The following ADAMTS12 variants were observed in gnomAD, a reference collection of about 807,000 sequenced individuals.
ADAMTS12 encodes the protein A disintegrin and metalloproteinase with thrombospondin motifs 12.
ADAMTS12 carries 118 observed loss-of-function variants against 167.8 expected under a neutral mutation model. That is an observed-to-expected ratio of 0.70 (90% CI 0.61 to 0.82). The LOEUF (loss-of-function observed/expected upper bound fraction) is 0.82, where lower values mean the gene tolerates loss of function less well. Ranked by LOEUF, ADAMTS12 falls within the 40% of genes least tolerant of loss-of-function variation. ADAMTS12 has a pLI of 0.00. For synonymous variants in ADAMTS12, 704 were observed against 716.9 expected, an observed-to-expected ratio of 0.98 and a Z score of 0.29; for missense variants, 1,916 against 1,998.8, an observed-to-expected ratio of 0.96 and a Z score of 0.79.
intron 23 of ADAMTS12, among the ~76,000 whole-genome samples, chr5:33,531,638 G>A (rs768508878): frequency 6.6e-6 from 1 of 152,176 alleles, no homozygotes; most frequent in Non-Finnish European, 1.5e-5. Context: ...GGCAGGAGAA[G>A]ATCACATGAA....
rs1338180981 is a variant in ADAMTS12, at chr5:33,583,388, G to A, written c.2865+5211C>T. Among the ~76,000 whole-genome samples, 6 of 152,148 alleles carry A rather than the reference G, an allele frequency of 3.9e-5. No individual in the cohort carries two copies. The East Asian group carries it at 7.7e-4, about 20-fold the overall frequency. ...TGCACCACATTTTCTTTATCTAGTC[G>A]TCTGTTGAGGGACACTTGGGTTGCT... is the stretch of plus-strand genomic sequence containing the variant. On this transcript the variant is annotated intron_variant, in intron 18 of 23. Transcript: ENST00000504830.
At chr5:33,796,838 CATTTGA>C (rs1374832933) in intron 2 of ADAMTS12, among the ~76,000 whole-genome samples, 1 of 152,186 alleles carries the variant, frequency 6.6e-6, no homozygotes, top group Non-Finnish European at 1.5e-5. Context: ...CCCTCATCAT[CATTTGA>C]TTAAAAAACA....
intron 2 of ADAMTS12, among the ~76,000 whole-genome samples, chr5:33,807,238 T>TA (rs1747271638): frequency 1.3e-5 from 2 of 152,268 alleles, no homozygotes; most frequent in South Asian, 2.1e-4. Context: ...ATTTTACAGA[T>TA]AAAAAAACTA....
Position 33,883,929 on chromosome 5 carries a change from C to T in ADAMTS12, c.128-2449G>A, listed in dbSNP as rs189069427. The stretch of plus-strand genomic sequence containing the variant: ...AGAGAGAAACTGTGGGTGGGTGAGG[C>T]GGATGCAGTCAGCTTCCATAGTATT... On this transcript the variant is annotated intron_variant, in intron 1 of 23. Coordinates refer to ENST00000504830, the MANE Select transcript of ADAMTS12 (RefSeq NM_030955.4). Among the ~76,000 whole-genome samples, 15 of 152,252 alleles carry T rather than the reference C, an allele frequency of 9.9e-5. No individual in the cohort carries two copies. In the East Asian group the frequency reaches 2.9e-3, roughly 29 times the overall value.
intron 2 of ADAMTS12, among the ~76,000 whole-genome samples, chr5:33,835,907 A>ATC (rs60393220): frequency 0.011 from 1,259 of 110,974 alleles, 15 homozygotes; most frequent in African/African-American, 0.034. Context: ...GATAATATCC[A>ATC]TCTCTCTCTC....
At chr5:33,697,281 C>G (rs560631916) in intron 3 of ADAMTS12, among the ~76,000 whole-genome samples, 1 of 152,228 alleles carries the variant, frequency 6.6e-6, no homozygotes, top group South Asian at 2.1e-4. Flanking sequence ...CAAAAACCAT[C>G]CATAAGAAAC....
At chr5:33,573,700 T>A (rs1307126) in intron 19 of ADAMTS12, among the ~76,000 whole-genome samples, 7 of 152,082 alleles carry the variant, frequency 4.6e-5, no homozygotes, top group African/African-American at 1.7e-4. Context: ...GGACTTCATG[T>A]CTAAAATACC....
intron 3 of ADAMTS12, among the ~76,000 whole-genome samples, chr5:33,748,681 T>C (rs1744874911): frequency 6.6e-6 from 1 of 152,176 alleles, no homozygotes; most frequent in African/African-American, 2.4e-5. Flanking sequence ...AGCAAAATGC[T>C]CCATATATGG....
intron 2 of ADAMTS12, among the ~76,000 whole-genome samples, chr5:33,775,606 A>G (rs1246174367): frequency 1.3e-5 from 2 of 152,168 alleles, no homozygotes; most frequent in Non-Finnish European, 2.9e-5. Flanking sequence ...TAAAGAAAAT[A>G]CTTTTATAAG....
intron 13 of ADAMTS12, 76 bp downstream of exon 13, chr5:33,630,704 C>A: frequency 2.0e-6 from 3 of 1,511,512 alleles, no homozygotes; most frequent in Non-Finnish European, 1.8e-6. Flanking sequence ...AAGCACAAAC[C>A]TAGAACATCT....
intron 2 of ADAMTS12, among the ~76,000 whole-genome samples, chr5:33,807,278 T>C (rs1222785043): frequency 6.6e-6 from 1 of 152,222 alleles, no homozygotes; most frequent in South Asian, 2.1e-4. Flanking sequence ...GACTCAGCCA[T>C]GGACACTTCA....
intron 3 of ADAMTS12, among the ~76,000 whole-genome samples, chr5:33,743,855 C>T (rs755685604): frequency 3.2e-4 from 49 of 152,138 alleles, no homozygotes; most frequent in Non-Finnish European, 6.2e-4. Context: ...CAAGTCACAA[C>T]CCTTGCCACA....
Position 33,789,988 on chromosome 5 carries a change from C to T in ADAMTS12, c.490-38440G>A, listed in dbSNP as rs374295048. On this transcript the variant is annotated intron_variant, in intron 2 of 23. Transcript: ENST00000504830. ...ACTACACTATGAATCCTTAAAATTA[C>T]GGACCTTTTCAAACATAACCACAAT... 2.5e-4 allele frequency among the ~76,000 whole-genome samples: 38 copies of T among 152,254 alleles called. No individual in the cohort carries two copies. The South Asian group carries it at 7.3e-3, about 29-fold the overall frequency.
chr5:33,709,968 C>G (rs553394417), intron 3 of ADAMTS12, among the ~76,000 whole-genome samples: 20 of 151,868 alleles, frequency 1.3e-4, no homozygotes, highest in Admixed American at 2.6e-4. Flanking sequence ...CCACGCAAAC[C>G]AAGTGTACGA....
intron 5 of ADAMTS12, among the ~76,000 whole-genome samples, chr5:33,679,336 T>C (rs1389478132): frequency 6.6e-6 from 1 of 152,190 alleles, no homozygotes; most frequent in Non-Finnish European, 1.5e-5. Context: ...GGGTAATTTA[T>C]AAGGGAAAGA....
At chr5:33,856,769 C>A (rs935785121) in intron 2 of ADAMTS12, among the ~76,000 whole-genome samples, 1 of 152,054 alleles carries the variant, frequency 6.6e-6, no homozygotes, top group South Asian at 2.1e-4. Flanking sequence ...GGCCATGATG[C>A]GAAGAAAAGA....
At chr5:33,677,539 G>GCCCC (rs1741961848) in intron 5 of ADAMTS12, among the ~76,000 whole-genome samples, 1 of 152,180 alleles carries the variant, frequency 6.6e-6, no homozygotes, top group Admixed American at 6.5e-5. Flanking sequence ...ACCCAAGAGG[G>GCCCC]GAGCAGGGGG....
chr5:33,573,269 CA>C (rs1211925966), intron 19 of ADAMTS12, among the ~76,000 whole-genome samples: 1 of 152,024 alleles, frequency 6.6e-6, no homozygotes, highest in Admixed American at 6.6e-5. Flanking sequence ...CATATGGAAC[CA>C]AAAAAGAGCC....
At chr5:33,591,038 G>T (rs1054936723) in intron 17 of ADAMTS12, among the ~76,000 whole-genome samples, 7 of 150,798 alleles carry the variant, frequency 4.6e-5, no homozygotes, top group African/African-American at 1.7e-4. Flanking sequence ...CTAAAATACT[G>T]TTTTTATATT....
Sources: gnomAD v4.1 joint callset for allele counts (sites outside exome capture counted in the v4.1 genomes callset) on GRCh38, gnomAD v4.1.1 for gene constraint, MANE v1.5 for transcripts, NCBI Gene and HGNC (gene_info 2026-07-23, HGNC 2026-07-21) for gene names.